Variants in DYRK1A observed in about 807,000 individuals in gnomAD.
DYRK1A encodes the protein dual specificity tyrosine-phosphorylation-regulated kinase 1A.
A neutral mutation model predicts 79.7 loss-of-function variants in DYRK1A; 9 were observed. The ratio of observed to expected loss-of-function variants is 0.11; its 90% CI spans 0.07 to 0.20. The LOEUF (loss-of-function observed/expected upper bound fraction) is 0.20. Among genes scored for constraint, DYRK1A ranks in the 10% least tolerant of loss-of-function variants. The pLI is 1.00. For missense variants in DYRK1A, 622 were observed against 956.0 expected (o/e 0.65, Z 4.61); for synonymous variants, 349 against 329.7 (o/e 1.06, Z -0.63).
chr21:37,485,248 G>A (rs561553070), intron 5 of DYRK1A, among the ~76,000 whole-genome samples: 1 of 152,280 alleles, frequency 6.6e-6, no homozygotes, highest in Admixed American at 6.5e-5. Context: ...TTATCCTGCA[G>A]CCCATCAGGA....
At chr21:37,400,386 G>A (rs1399921633) in intron 1 of DYRK1A, among the ~76,000 whole-genome samples, 5 of 152,094 alleles carry the variant, frequency 3.3e-5, no homozygotes, top group African/African-American at 9.7e-5. Flanking sequence ...ATCTTTTGGT[G>A]GACCATTTTC....
chr21:37,496,490 C>CTG (rs1328750380), intron 9 of DYRK1A, among the ~76,000 whole-genome samples: 1 of 152,156 alleles, frequency 6.6e-6, no homozygotes, highest in African/African-American at 2.4e-5. Flanking sequence ...ATATTAAAAA[C>CTG]TGTATGCCTG....
chr21:37,403,634 TAAAAAAAA>T (rs11349987), intron 1 of DYRK1A, among the ~76,000 whole-genome samples: 14 of 119,690 alleles, frequency 1.2e-4, no homozygotes, highest in African/African-American at 3.9e-4. Context: ...CTCAGCTAAT[TAAAAAAAA>T]AAAAAAATAT....
intron 5 of DYRK1A, among the ~76,000 whole-genome samples, chr21:37,482,995 G>A (rs1427164770): frequency 1.3e-5 from 2 of 152,042 alleles, no homozygotes; most frequent in South Asian, 2.1e-4. Context: ...ATTTCATATT[G>A]TTCAAACACA....
intron 2 of DYRK1A, 134 bp from the exon 3 acceptor site, chr21:37,472,550 A>G: frequency 7.0e-6 from 4 of 573,762 alleles, no homozygotes; most frequent in Non-Finnish European, 1.2e-5. Flanking sequence ...AGTAACATAT[A>G]CCTGTTTGTA....
At chr21:37,400,923 T>A (rs1487248212) in intron 1 of DYRK1A, among the ~76,000 whole-genome samples, 1 of 152,172 alleles carries the variant, frequency 6.6e-6, no homozygotes, top group African/African-American at 2.4e-5. Context: ...GGTGGGCGGA[T>A]CACTTGAGGT....
rs1272881399 is a variant in DYRK1A, at chr21:37,460,498, C to T, written c.11-12186C>T. On this transcript the variant is annotated intron_variant, in intron 2 of 11. Coordinates refer to ENST00000647188, the MANE Select transcript of DYRK1A (RefSeq NM_001347721.2). ...CCTCCAGTCAAAGTTAGAGAACCACCGGTCTTCATTCTTTTCATTAAGTGG... is the reference window on the plus strand; with the variant it reads ...CCTCCAGTCAAAGTTAGAGAACCACTGGTCTTCATTCTTTTCATTAAGTGG... Among the ~76,000 whole-genome samples the T allele has an allele frequency of 5.3e-5, 8 of 152,242 alleles. No homozygotes were observed. In the East Asian group the frequency reaches 1.5e-3, roughly 29 times the overall value.
At position 37,513,204 on chromosome 21, in the gene DYRK1A, A is replaced by G. The variant is rs1458894354; in HGVS notation, c.*673A>G. 1.3e-5 allele frequency: 2 copies of G among 152,660 alleles called. No homozygotes were observed. Among genetic ancestry groups the G allele is most frequent in the African/African-American group, 4.8e-5 (2 of 41,394 alleles). 9.5% of individuals were successfully genotyped at this position (152,660 alleles called of 1,614,324 possible). A position where few individuals can be genotyped will look rare whatever the true frequency, so the allele number is the denominator to read the frequency against. On this transcript the variant is annotated 3_prime_UTR_variant, in exon 12 of 12. Coordinates refer to ENST00000647188, the MANE Select transcript of DYRK1A (RefSeq NM_001347721.2). ...TGAACCTACTGAGGAGCAAAGCAGC[A>G]ATTACATGGGATCCTGTGGCTCTCC...
intron 9 of DYRK1A, among the ~76,000 whole-genome samples, chr21:37,498,069 GCTAT>G (rs753567545): frequency 6.6e-6 from 1 of 151,846 alleles, no homozygotes; most frequent in Non-Finnish European, 1.5e-5. Flanking sequence ...ACTTTCATTG[GCTAT>G]CTCTTTGTGG....
intron 2 of DYRK1A, among the ~76,000 whole-genome samples, chr21:37,467,501 A>G (rs1033373155): frequency 8.5e-5 from 13 of 152,236 alleles, no homozygotes; most frequent in African/African-American, 3.1e-4. Context: ...GATTGCTGGG[A>G]TTACTGGTGG....
At chr21:37,365,996 C>T (rs1040906465), upstream of DYRK1A, 3 of 152,158 alleles carry the variant, frequency 2.0e-5, no homozygotes, top group African/African-American at 7.2e-5. Flanking sequence ...GCCGCCGGGC[C>T]CGGCGCAGCG....
chr21:37,461,642 G>A (rs1205718227), intron 2 of DYRK1A, among the ~76,000 whole-genome samples: 2 of 152,124 alleles, frequency 1.3e-5, no homozygotes, highest in African/African-American at 4.8e-5. Flanking sequence ...GTTCTCACCG[G>A]ATATAGATTT....
intron 11 of DYRK1A, among the ~76,000 whole-genome samples, chr21:37,510,177 AAGC>A (rs1407844234): frequency 6.6e-6 from 1 of 152,226 alleles, no homozygotes; most frequent in Non-Finnish European, 1.5e-5. Flanking sequence ...AAATTCCTGA[AAGC>A]AGAATGACTG....
chr21:37,420,363 TGAAA>T lies in DYRK1A; in HGVS notation c.-8_-5del, dbSNP rs779893645. ...CACCCCATCAGGATGATATGAGACT[TGAAA>T]GAAGACGATGCATACAGGTGACTCA... On this transcript the variant is annotated 5_prime_UTR_variant, in exon 2 of 12. Coordinates refer to ENST00000647188, the MANE Select transcript of DYRK1A (RefSeq NM_001347721.2). 3 of 1,612,008 alleles carry T rather than the reference TGAAA, an allele frequency of 1.9e-6. No individual in the cohort carries two copies. Among genetic ancestry groups the T allele is most frequent in the Non-Finnish European group, 2.5e-6 (3 of 1,178,634 alleles).
intron 5 of DYRK1A, among the ~76,000 whole-genome samples, chr21:37,482,255 G>T (rs1241284762): frequency 6.6e-6 from 1 of 152,104 alleles, no homozygotes; most frequent in African/African-American, 2.4e-5. Context: ...CAGATATCGG[G>T]CAAAATTCAC....
At chr21:37,433,919 T>A (rs1008829572) in intron 2 of DYRK1A, among the ~76,000 whole-genome samples, 2 of 152,194 alleles carry the variant, frequency 1.3e-5, no homozygotes, top group Non-Finnish European at 2.9e-5. Flanking sequence ...GGGGTTAATA[T>A]TAGATTATTT....
chr21:37,375,298 C>G (rs552421272), intron 1 of DYRK1A, among the ~76,000 whole-genome samples: 95 of 152,278 alleles, frequency 6.2e-4, no homozygotes, highest in African/African-American at 1.9e-3. Flanking sequence ...AGTATCAGCA[C>G]TATTGTGGGC....
upstream of DYRK1A, among the ~76,000 whole-genome samples, chr21:37,366,348 G>T (rs2049303146): frequency 6.9e-6 from 1 of 145,552 alleles, no homozygotes; most frequent in South Asian, 2.1e-4. Context: ...GGGCGCTAGG[G>T]CTGCGGGGGC....
intron 1 of DYRK1A, among the ~76,000 whole-genome samples, chr21:37,418,392 AGTAAT>A (rs2050399081): frequency 6.6e-6 from 1 of 152,228 alleles, no homozygotes; most frequent in Non-Finnish European, 1.5e-5. Context: ...TTTTTAAAAT[AGTAAT>A]GAAATCTAAT....
Sources: gnomAD v4.1 joint callset for allele counts (sites outside exome capture counted in the v4.1 genomes callset) on GRCh38, gnomAD v4.1.1 for gene constraint, MANE v1.5 for transcripts, NCBI Gene and HGNC (gene_info 2026-07-23, HGNC 2026-07-21) for gene names.